LRP1B: variants seen among roughly 807,000 people sequenced by gnomAD.
The protein encoded by LRP1B is LDL receptor related protein 1B, also known as low-density lipoprotein receptor-related protein 1B.
Under a neutral mutation model 556.6 loss-of-function variants are expected in LRP1B, and 217 were observed. That is an observed-to-expected ratio of 0.39 (90% CI 0.35 to 0.44). The LOEUF (loss-of-function observed/expected upper bound fraction) is 0.44, where lower values mean the gene tolerates loss of function less well. Ranked by LOEUF, LRP1B falls within the 20% of genes least tolerant of loss-of-function variation. The pLI is 1.00. For missense variants in LRP1B, 5,053 were observed against 5,620.8 expected (o/e 0.90, Z 3.23); for synonymous variants, 2,047 against 1,865.8 (o/e 1.10, Z -2.50).
chr2:140,865,618 T>A (rs900715307), intron 27 of LRP1B, among the ~76,000 whole-genome samples: 34 of 152,178 alleles, frequency 2.2e-4, no homozygotes, highest in African/African-American at 7.9e-4. Flanking sequence ...AAAGGTAGAA[T>A]GTTCTCTGAT....
At chr2:140,335,402 G>A (rs1436062419) in intron 78 of LRP1B, among the ~76,000 whole-genome samples, 2 of 151,722 alleles carry the variant, frequency 1.3e-5, no homozygotes, top group African/African-American at 4.8e-5. Context: ...CATACTGAAT[G>A]CATAATACAG....
chr2:141,650,138 C>T (rs533720809), intron 2 of LRP1B, among the ~76,000 whole-genome samples: 1 of 152,292 alleles, frequency 6.6e-6, no homozygotes, highest in East Asian at 1.9e-4. Flanking sequence ...CAAGATTGTG[C>T]CAATGCACTC....
intron 52 of LRP1B, among the ~76,000 whole-genome samples, chr2:140,509,083 AAC>A (rs61074935): frequency 0.16 from 23,199 of 148,782 alleles, 2,206 homozygotes; most frequent in Non-Finnish European, 0.22. Context: ...CACACACACA[AAC>A]ACACACACAC....
intron 30 of LRP1B, 46 bp downstream of exon 30, chr2:140,840,872 G>A (rs772700410): frequency 2.8e-6 from 4 of 1,431,206 alleles, no homozygotes; most frequent in Non-Finnish European, 3.8e-6. Context: ...CAGGGCAAAA[G>A]TCTATGAAAT....
chr2:142,102,869 T>C (rs929799749), intron 1 of LRP1B, among the ~76,000 whole-genome samples: 1 of 151,946 alleles, frequency 6.6e-6, no homozygotes, highest in Non-Finnish European at 1.5e-5. Context: ...ATATAATTAA[T>C]GTGGACAAAA....
rs575780005 is a variant in LRP1B, at chr2:140,353,205, G to A, written c.11531-133C>T. The A allele has an allele frequency of 1.5e-4, 115 of 792,370 alleles. No individual in the cohort carries two copies. The South Asian group carries it at 1.8e-3, about 13-fold the overall frequency. The allele number at this position is 792,370 out of a possible 1,614,324, so 49.1% of individuals were successfully genotyped here. A position where few individuals can be genotyped will look rare whatever the true frequency, so the allele number is the denominator to read the frequency against. On this transcript the variant is annotated intron_variant, in intron 75 of 90. Transcript: ENST00000389484. ...TTGTCCTTTCACATCTTTAATCTGTGACCTGCTGTGTCATATTTTTGAAGG... is the reference window on the plus strand; with the variant it reads ...TTGTCCTTTCACATCTTTAATCTGTAACCTGCTGTGTCATATTTTTGAAGG...
intron 41 of LRP1B, among the ~76,000 whole-genome samples, chr2:140,699,634 A>C (rs1453114374): frequency 1.3e-5 from 2 of 151,592 alleles, no homozygotes; most frequent in Non-Finnish European, 2.9e-5. Context: ...GTTTTTGTTA[A>C]ACTTGAATGA....
intron 35 of LRP1B, among the ~76,000 whole-genome samples, chr2:140,766,761 C>T (rs1689118040): frequency 6.8e-6 from 1 of 146,252 alleles, no homozygotes; most frequent in Non-Finnish European, 1.5e-5. Context: ...GTTGAGAGAA[C>T]AGTAAAGCCA....
In LRP1B at chr2:140,526,467, T is replaced by C. The variant is rs1414602068; in HGVS notation, c.7763-117A>G. The C allele has an allele frequency of 1.4e-5, 10 of 707,790 alleles. No homozygotes were observed. The African/African-American group carries it at 1.4e-4, about 10-fold the overall frequency. 43.8% of individuals were successfully genotyped at this position (707,790 alleles called of 1,614,324 possible). A position where few individuals can be genotyped will look rare whatever the true frequency, so the allele number is the denominator to read the frequency against. Reference sequence around the variant, plus strand: ...TTGTTTGGTTTTGCTTTCGTAACTCTGGGAAGCCAAACTTGACCCCTGAAC... The same window carrying C: ...TTGTTTGGTTTTGCTTTCGTAACTCCGGGAAGCCAAACTTGACCCCTGAAC... On this transcript the variant is annotated intron_variant, in intron 47 of 90. Coordinates refer to ENST00000389484, the MANE Select transcript of LRP1B (RefSeq NM_018557.3).
chr2:140,929,794 A>ACG (rs907085139), intron 20 of LRP1B, among the ~76,000 whole-genome samples: 23 of 150,530 alleles, frequency 1.5e-4, no homozygotes, highest in African/African-American at 5.4e-4. Flanking sequence ...ACACACACAC[A>ACG]CAGTTTTACT....
chr2:140,321,235 TG>T (rs1334079044), intron 82 of LRP1B, among the ~76,000 whole-genome samples: 1 of 112,568 alleles, frequency 8.9e-6, no homozygotes, highest in Non-Finnish European at 2.1e-5. Context: ...TACTGTTTTG[TG>T]TTTTTTTTAT....
At chr2:141,231,472 A>T (rs542676478) in intron 5 of LRP1B, among the ~76,000 whole-genome samples, 1 of 152,308 alleles carries the variant, frequency 6.6e-6, no homozygotes, top group South Asian at 2.1e-4. Flanking sequence ...GGTAGCAAAA[A>T]AAAGACACAG....
intron 66 of LRP1B, among the ~76,000 whole-genome samples, chr2:140,425,686 G>T (rs942011351): frequency 6.6e-6 from 1 of 152,298 alleles, no homozygotes; most frequent in African/African-American, 2.4e-5. Flanking sequence ...GATTACAGGA[G>T]TGAGCCACCG....
rs565774851 is a variant in LRP1B, at chr2:141,304,982, C to T, written c.344-50341G>A. On this transcript the variant is annotated intron_variant, in intron 3 of 90. Transcript: ENST00000389484. ...TCTATGTGTTTTCGTACCAATATTA[C>T]GCTATGTTAATTACTATATTTTGAA... Among the ~76,000 whole-genome samples the T allele has an allele frequency of 3.9e-5, 6 of 152,156 alleles. No homozygotes were observed. In the East Asian group the frequency reaches 7.7e-4, roughly 20 times the overall value.
intron 35 of LRP1B, among the ~76,000 whole-genome samples, chr2:140,738,070 G>C (rs1466497145): frequency 6.6e-6 from 1 of 152,122 alleles, no homozygotes; most frequent in African/African-American, 2.4e-5. Context: ...TAGAGTTGGA[G>C]CTCCTTCTTA....
rs1484607565 is a variant in LRP1B, at chr2:140,851,777, T to C, written c.4586A>G (p.Asn1529Ser). The stretch of plus-strand genomic sequence containing the variant: ...TTTGCCATCATTAGCTGCACAAGGA[T>C]TGGGAGCTGTAATTACACAGTGAAA... ...YHPSRQPQAPNPCAANDGKGP... is the reference protein window; with the variant it reads ...YHPSRQPQAPSPCAANDGKGP... Residue 1529 changes from asparagine to serine, a missense_variant, in exon 28 of 91, where the codon AAT becomes AGT. This residue lies in a region of LRP1B where 3,619 missense variants were observed against 3,931.9 expected (regional missense o/e 0.92). Transcript: ENST00000389484. The C allele has an allele frequency of 1.9e-6, 3 of 1,598,596 alleles. No individual in the cohort carries two copies. Among genetic ancestry groups the C allele is most frequent in the Admixed American group, 1.8e-5 (1 of 54,626 alleles).
chr2:141,212,576 G>A (rs139278953), intron 6 of LRP1B, among the ~76,000 whole-genome samples: 1 of 151,590 alleles, frequency 6.6e-6, no homozygotes, highest in African/African-American at 2.4e-5. Flanking sequence ...GAGCGACCAT[G>A]CCGGCCAAAA....
intron 1 of LRP1B, among the ~76,000 whole-genome samples, chr2:141,851,582 C>G (rs1697857993): frequency 6.6e-6 from 1 of 151,686 alleles, no homozygotes; most frequent in African/African-American, 2.4e-5. Flanking sequence ...TTAGATTTCC[C>G]AGGAAATACT....
intron 6 of LRP1B, among the ~76,000 whole-genome samples, chr2:141,195,174 C>G (rs952988955): frequency 2.0e-5 from 3 of 152,064 alleles, no homozygotes; most frequent in Admixed American, 6.6e-5. Flanking sequence ...GGTTCTCTCT[C>G]TCTTTGGATC....
Sources: allele counts gnomAD v4.1 joint callset (sites outside exome capture counted in the v4.1 genomes callset), GRCh38; gene constraint gnomAD v4.1.1; regional missense constraint gnomAD v4.1.1; transcripts MANE v1.5; gene names NCBI Gene and HGNC (gene_info 2026-07-23, HGNC 2026-07-21).